RBFOX1: variants seen among roughly 807,000 people sequenced by gnomAD.
The protein encoded by RBFOX1 is RNA binding protein fox-1 homolog 1.
In RBFOX1, 8 loss-of-function variants were observed where a neutral mutation model predicts 57.7. That is an observed-to-expected ratio of 0.14 (90% CI 0.08 to 0.25). The LOEUF is 0.25. Among genes scored for constraint, RBFOX1 ranks in the 10% least tolerant of loss-of-function variants. RBFOX1 has a pLI of 1.00. For missense variants in RBFOX1, 611 were observed against 548.5 expected, an observed-to-expected ratio of 1.11 and a Z score of -1.14; for synonymous variants, 326 against 222.4, an observed-to-expected ratio of 1.47 and a Z score of -4.15.
chr16:7,346,358 G>C (rs2097006025), intron 4 of RBFOX1, among the ~76,000 whole-genome samples: 1 of 151,942 alleles, frequency 6.6e-6, no homozygotes, highest in South Asian at 2.1e-4. Context: ...CAAGAGGGCA[G>C]TGTATTTTCT....
At chr16:6,989,086 G>T (rs1017025223) in intron 3 of RBFOX1, among the ~76,000 whole-genome samples, 1 of 151,964 alleles carries the variant, frequency 6.6e-6, no homozygotes, top group African/African-American at 2.4e-5. Context: ...TAGTAGAGAC[G>T]GGATTTCGCC....
At chr16:7,577,528 C>A (rs561107515) in intron 5 of RBFOX1, among the ~76,000 whole-genome samples, 3 of 152,340 alleles carry the variant, frequency 2.0e-5, no homozygotes, top group East Asian at 3.9e-4. Context: ...AATTGGCAAG[C>A]CTGGCTGAAC....
At chr16:6,987,456 GACACACACACACACACACACAC>G (rs199503873) in intron 3 of RBFOX1, among the ~76,000 whole-genome samples, 110 of 135,522 alleles carry the variant, frequency 8.1e-4, no homozygotes, top group African/African-American at 2.2e-3. Flanking sequence ...AAACTTTTCA[GACACACACACACACACACACAC>G]ACACACACAC....
intron 1 of RBFOX1, among the ~76,000 whole-genome samples, chr16:5,298,036 T>G (rs2063710894): frequency 6.7e-6 from 1 of 149,026 alleles, no homozygotes; most frequent in African/African-American, 2.6e-5. Flanking sequence ...AATTAACTTT[T>G]TGCAGTCATA....
At chr16:7,171,895 C>G (rs946297062) in intron 4 of RBFOX1, among the ~76,000 whole-genome samples, 1 of 152,094 alleles carries the variant, frequency 6.6e-6, no homozygotes, top group Non-Finnish European at 1.5e-5. Context: ...ATGAGTACCA[C>G]TTAAGAGAGG....
chr16:7,308,700 C>G (rs528425248), intron 4 of RBFOX1, among the ~76,000 whole-genome samples: 21 of 152,302 alleles, frequency 1.4e-4, no homozygotes, highest in African/African-American at 4.8e-4. Flanking sequence ...GCATATCAAC[C>G]CTTTCTGTCT....
At chr16:6,164,812 C>A (rs2096905113) in intron 1 of RBFOX1, among the ~76,000 whole-genome samples, 1 of 152,040 alleles carries the variant, frequency 6.6e-6, no homozygotes, top group African/African-American at 2.4e-5. Flanking sequence ...CTCAGTGGAG[C>A]TCGTTACAAG....
chr16:7,215,848 C>T lies in RBFOX1; in HGVS notation c.27+163750C>T, dbSNP rs561913021. On this transcript the variant is annotated intron_variant, in intron 4 of 15. Transcript: ENST00000550418. ...CACGCCATTCTCCTGCCTCAGCCTC[C>T]CGATTAGCTGGGACTACAGGCGTCT... 2.0e-5 allele frequency among the ~76,000 whole-genome samples: 3 copies of T among 151,842 alleles called. No individual in the cohort carries two copies. In the South Asian group the frequency reaches 6.3e-4, roughly 32 times the overall value.
intron 4 of RBFOX1, among the ~76,000 whole-genome samples, chr16:7,152,758 A>G (rs1161390397): frequency 6.6e-6 from 1 of 152,168 alleles, no homozygotes; most frequent in African/African-American, 2.4e-5. Flanking sequence ...ATTGTTCCTA[A>G]TGGGGTCCAG....
chr16:7,300,963 G>C (rs925575733), intron 4 of RBFOX1, among the ~76,000 whole-genome samples: 10 of 152,168 alleles, frequency 6.6e-5, no homozygotes, highest in Admixed American at 3.3e-4. Flanking sequence ...TGAATGTCTA[G>C]AATTTTTTTT....
intron 3 of RBFOX1, among the ~76,000 whole-genome samples, chr16:5,737,524 A>G (rs1199372706): frequency 2.3e-5 from 3 of 128,278 alleles, no homozygotes; most frequent in African/African-American, 8.9e-5. Flanking sequence ...AATATTCTGG[A>G]TTTTTTTTTT....
intron 10 of RBFOX1, 32 bp downstream of exon 10, chr16:7,607,370 C>T (rs1330900079): frequency 1.9e-5 from 30 of 1,597,084 alleles, no homozygotes; most frequent in Middle Eastern, 1.7e-4. Context: ...GAAGTCTTCT[C>T]AGTCTTTTCT....
At chr16:7,089,864 T>G (rs2069835859) in intron 4 of RBFOX1, among the ~76,000 whole-genome samples, 1 of 151,918 alleles carries the variant, frequency 6.6e-6, no homozygotes, top group African/African-American at 2.4e-5. Context: ...TCCTTTCCTG[T>G]GCTCAAGTAT....
chr16:6,193,398 A>ATATAC (rs1567651244), intron 1 of RBFOX1, among the ~76,000 whole-genome samples: 1 of 62,860 alleles, frequency 1.6e-5, no homozygotes, highest in African/African-American at 6.3e-5. Context: ...TATACTATAT[A>ATATAC]TATATATATA....
chr16:7,076,051 C>CT lies in RBFOX1; in HGVS notation c.27+23962dup, dbSNP rs1203058091. Among the ~76,000 whole-genome samples the CT allele has an allele frequency of 1.1e-3, 144 of 126,872 alleles. 1 individual carries two copies. Among genetic ancestry groups the CT allele is most frequent in the African/African-American group, 4.1e-3 (134 of 33,012 alleles). The allele number at this position is 126,872 out of a possible 152,430, so 83.2% of individuals were successfully genotyped here. A position where few individuals can be genotyped will look rare whatever the true frequency, so the allele number is the denominator to read the frequency against. On this transcript the variant is annotated intron_variant, in intron 4 of 15. Transcript: ENST00000550418. Reference sequence around the variant, plus strand: ...TCACACTTGGGCTTTTTTTTTTTTTCTTTTTTTTTCGAGACGAGTCTTGTT... The same window carrying CT: ...TCACACTTGGGCTTTTTTTTTTTTTCTTTTTTTTTTCGAGACGAGTCTTGTT...
chr16:5,764,855 C>T (rs1204347920), intron 3 of RBFOX1, among the ~76,000 whole-genome samples: 1 of 152,214 alleles, frequency 6.6e-6, no homozygotes, highest in Non-Finnish European at 1.5e-5. Flanking sequence ...CAGAAGCAGG[C>T]ACTCTGTATA....
At chr16:6,509,971 G>A (rs1019850103) in intron 2 of RBFOX1, among the ~76,000 whole-genome samples, 2 of 152,192 alleles carry the variant, frequency 1.3e-5, no homozygotes, top group Non-Finnish European at 2.9e-5. Context: ...CAAATGTGAA[G>A]TTGGCCAACC....
At chr16:7,174,403 G>T (rs114602873) in intron 4 of RBFOX1, among the ~76,000 whole-genome samples, 2,528 of 152,266 alleles carry the variant, frequency 0.017, 70 homozygotes, top group African/African-American at 0.057. Context: ...GTTCTTGGGT[G>T]GATATATGCT....
At chr16:6,286,086 G>T (rs905562851) in intron 1 of RBFOX1, among the ~76,000 whole-genome samples, 1 of 152,028 alleles carries the variant, frequency 6.6e-6, no homozygotes, top group Non-Finnish European at 1.5e-5. Context: ...TTCACGTATG[G>T]CCCTCTTTCC....
Sources: allele counts gnomAD v4.1 joint callset (sites outside exome capture counted in the v4.1 genomes callset), GRCh38; gene constraint gnomAD v4.1.1; transcripts MANE v1.5; gene names NCBI Gene and HGNC (gene_info 2026-07-23, HGNC 2026-07-21).